RGS6: variants seen among roughly 807,000 people sequenced by gnomAD.
RGS6 encodes regulator of G-protein signaling 6.
In RGS6, 30 loss-of-function variants were observed where a neutral mutation model predicts 78.5. The observed-to-expected ratio is 0.38, with a 90% CI of 0.29 to 0.52. RGS6 has a LOEUF of 0.52. RGS6 is among the 20% of genes least tolerant of loss of function. The pLI is 0.85. For synonymous variants in RGS6, 206 were observed against 206.0 expected, an observed-to-expected ratio of 1.00 and a Z score of 0.00; for missense variants, 495 against 609.7, an observed-to-expected ratio of 0.81 and a Z score of 1.98.
chr14:72,543,602 G>C (rs960201088), intron 17 of RGS6, among the ~76,000 whole-genome samples: 3 of 152,210 alleles, frequency 2.0e-5, no homozygotes, highest in Admixed American at 1.3e-4. Context: ...ACTGACCAGG[G>C]AGAGGAGGTG....
intron 17 of RGS6, chr14:72,541,648 G>T (rs1421934773): frequency 6.5e-7 from 1 of 1,533,378 alleles, no homozygotes; most frequent in East Asian, 2.4e-5. Flanking sequence ...CTCTCTGTTT[G>T]TCTCTTTTGA....
chr14:72,263,742 A>G (rs1222309961), intron 2 of RGS6, among the ~76,000 whole-genome samples: 1 of 152,122 alleles, frequency 6.6e-6, no homozygotes, highest in African/African-American at 2.4e-5. Flanking sequence ...CAGACACCAA[A>G]TCTGCCAGCA....
At chr14:72,276,485 C>T (rs182619631) in intron 2 of RGS6, among the ~76,000 whole-genome samples, 55 of 152,098 alleles carry the variant, frequency 3.6e-4, no homozygotes, top group Admixed American at 2.7e-3. Context: ...TCTAAAAAAC[C>T]TCCTTAGGGT....
At chr14:72,203,339 T>G (rs902417588) in intron 2 of RGS6, among the ~76,000 whole-genome samples, 1 of 152,238 alleles carries the variant, frequency 6.6e-6, no homozygotes, top group Non-Finnish European at 1.5e-5. Flanking sequence ...AAATTGAGTT[T>G]AAATCCCATC....
rs1345392454 is a variant in RGS6 at position 72,414,328 on chromosome 14, A to C, written c.185-40200A>C. ...ATTTCATTCATTTCGTCTTTCATTG[A>C]TGATATCCTTTCTTCCAGTTGATCA... On this transcript the variant is annotated intron_variant, in intron 3 of 17. Transcript: ENST00000553525. Among the ~76,000 whole-genome samples, 4 of 151,996 alleles carry C rather than the reference A, an allele frequency of 2.6e-5. No homozygotes were observed. The East Asian group carries it at 7.7e-4, about 29-fold the overall frequency.
intron 2 of RGS6, among the ~76,000 whole-genome samples, chr14:72,205,187 A>G (rs1257969364): frequency 6.6e-6 from 1 of 152,248 alleles, no homozygotes; most frequent in East Asian, 1.9e-4. Context: ...TGTCCTCATC[A>G]TATCTCCTCT....
intron 3 of RGS6, among the ~76,000 whole-genome samples, chr14:72,440,833 G>A (rs1352393094): frequency 6.6e-6 from 1 of 152,110 alleles, no homozygotes; most frequent in South Asian, 2.1e-4. Context: ...CATATTACAG[G>A]AGCTATTAGG....
At chr14:72,057,459 C>T (rs562313666) in intron 2 of RGS6, among the ~76,000 whole-genome samples, 11 of 151,624 alleles carry the variant, frequency 7.3e-5, no homozygotes, top group African/African-American at 2.4e-4. Flanking sequence ...TACACTCTTA[C>T]TCTTCCCATC....
chr14:72,088,501 G>A (rs2095141362), intron 2 of RGS6, among the ~76,000 whole-genome samples: 1 of 152,102 alleles, frequency 6.6e-6, no homozygotes, highest in Non-Finnish European at 1.5e-5. Flanking sequence ...CTGGGGAGAG[G>A]GGAAGGGAAC....
At chr14:71,992,784 G>A in intron 2 of RGS6, among the ~76,000 whole-genome samples, 1 of 152,204 alleles carries the variant, frequency 6.6e-6, no homozygotes, top group East Asian at 1.9e-4. Flanking sequence ...GTGGTATATA[G>A]CAGGGCTGTG....
intron 3 of RGS6, among the ~76,000 whole-genome samples, chr14:72,391,318 G>A (rs547761343): frequency 6.6e-6 from 1 of 152,098 alleles, no homozygotes; most frequent in Non-Finnish European, 1.5e-5. Context: ...CGGCTGTCAC[G>A]ACTGAAAAAA....
At chr14:72,333,475 T>C (rs2075439857) in intron 2 of RGS6, among the ~76,000 whole-genome samples, 2 of 152,206 alleles carry the variant, frequency 1.3e-5, no homozygotes, top group African/African-American at 4.8e-5. Context: ...CTTTTGCAAA[T>C]GCTCAGAACT....
the RGS6 span, among the ~76,000 whole-genome samples, chr14:71,919,542 G>C: frequency 6.6e-6 from 1 of 152,024 alleles, no homozygotes. Context: ...TCCTAGCCAG[G>C]AATGCCTATT....
intron 3 of RGS6, among the ~76,000 whole-genome samples, chr14:72,433,343 G>T (rs1031251150): frequency 2.0e-5 from 3 of 151,906 alleles, no homozygotes; most frequent in African/African-American, 4.8e-5. Flanking sequence ...CGGGGGTTGG[G>T]GTATGGGGAG....
At chr14:72,605,475 A>C in the RGS6 span, among the ~76,000 whole-genome samples, 1 of 152,260 alleles carries the variant, frequency 6.6e-6, no homozygotes, top group Admixed American at 6.5e-5. Context: ...AATTACCTGA[A>C]GTTTAGCCCG....
At chr14:72,060,534 A>G (rs909964236) in intron 2 of RGS6, among the ~76,000 whole-genome samples, 2 of 152,128 alleles carry the variant, frequency 1.3e-5, no homozygotes, top group Non-Finnish European at 2.9e-5. Context: ...CTTTTTAGCT[A>G]TTTATTAATC....
At chr14:72,231,237 T>A (rs2049503727) in intron 2 of RGS6, among the ~76,000 whole-genome samples, 1 of 152,208 alleles carries the variant, frequency 6.6e-6, no homozygotes, top group South Asian at 2.1e-4. Flanking sequence ...AATGCATGAA[T>A]AATACTTATG....
chr14:72,254,087 C>T (rs895136167), intron 2 of RGS6, among the ~76,000 whole-genome samples: 3 of 152,170 alleles, frequency 2.0e-5, no homozygotes, highest in Non-Finnish European at 2.9e-5. Flanking sequence ...GTTGAAACAG[C>T]GTGACTGCAA....
At chr14:71,884,476 C>T in the RGS6 span, among the ~76,000 whole-genome samples, 1 of 152,124 alleles carries the variant, frequency 6.6e-6, no homozygotes, top group African/African-American at 2.4e-5. Flanking sequence ...ACCTATTTTC[C>T]CTACTTCAGT....
Sources: gnomAD v4.1 joint callset for allele counts (sites outside exome capture counted in the v4.1 genomes callset) on GRCh38, gnomAD v4.1.1 for gene constraint, MANE v1.5 for transcripts, NCBI Gene and HGNC (gene_info 2026-07-23, HGNC 2026-07-21) for gene names.